AFF3: variants seen among roughly 807,000 people sequenced by gnomAD.
AFF3 encodes the protein AF4/FMR2 family member 3.
In AFF3, 32 loss-of-function variants were observed where a neutral mutation model predicts 129.7. The observed-to-expected ratio is 0.25, with a 90% CI of 0.19 to 0.33. AFF3 has a LOEUF of 0.33. AFF3 is among the 10% of genes least tolerant of loss of function. The pLI, the probability that AFF3 is intolerant of heterozygous loss-of-function variation, is 1.00. For missense variants in AFF3, 1,373 were observed against 1,592.0 expected (o/e 0.86, Z 2.34); for synonymous variants, 644 against 635.4 (o/e 1.01, Z -0.20).
chr2:99,553,350 C>A (rs1283992257), intron 24 of AFF3, among the ~76,000 whole-genome samples: 1 of 152,152 alleles, frequency 6.6e-6, no homozygotes, highest in African/African-American at 2.4e-5. Flanking sequence ...CAATCTCATG[C>A]ACTCTGCCAT....
At chr2:99,702,044 T>C (rs540958290) in intron 11 of AFF3, among the ~76,000 whole-genome samples, 30 of 152,382 alleles carry the variant, frequency 2.0e-4, no homozygotes, top group African/African-American at 6.7e-4. Flanking sequence ...AGGTAGTTTC[T>C]GGTTCTTGGC....
intron 8 of AFF3, among the ~76,000 whole-genome samples, chr2:99,772,904 C>T (rs768304607): frequency 2.0e-5 from 3 of 152,216 alleles, no homozygotes; most frequent in Non-Finnish European, 2.9e-5. Context: ...TAGACTAGAT[C>T]CAAGTTCTCA....
intron 8 of AFF3, among the ~76,000 whole-genome samples, chr2:99,829,690 A>C (rs1438548677): frequency 6.6e-6 from 1 of 152,176 alleles, no homozygotes; most frequent in African/African-American, 2.4e-5. Flanking sequence ...TGGGAGTATA[A>C]ATTATTTCAA....
intron 7 of AFF3, among the ~76,000 whole-genome samples, chr2:99,859,179 A>G: frequency 6.6e-6 from 1 of 152,092 alleles, no homozygotes; most frequent in East Asian, 1.9e-4. Flanking sequence ...CTTGCTGCCC[A>G]CTCAGTCTTT....
In AFF3 at chr2:99,606,915, C is replaced by CAAAA. The variant is rs10680840; in HGVS notation, c.1185-5298_1185-5295dup. Among the ~76,000 whole-genome samples, 462 of 60,764 alleles carry CAAAA rather than the reference C, an allele frequency of 7.6e-3. 2 individuals are homozygous for CAAAA. Among genetic ancestry groups the CAAAA allele is most frequent in the Middle Eastern group, 0.01 (1 of 96 alleles). The allele number at this position is 60,764 out of a possible 152,430, so 39.9% of individuals were successfully genotyped here. ...GGCGACAGAGCAAGACTCCGTCTCACAAAAAAAAAAAAAAAAAAAAAAAAG... is the reference window on the plus strand; with the variant it reads ...GGCGACAGAGCAAGACTCCGTCTCACAAAAAAAAAAAAAAAAAAAAAAAAAAAAG... On this transcript the variant is annotated intron_variant, in intron 13 of 24. Coordinates refer to ENST00000672756, the MANE Select transcript of AFF3 (RefSeq NM_001386135.1).
intron 4 of AFF3, among the ~76,000 whole-genome samples, chr2:100,031,587 T>C (rs1684498581): frequency 6.6e-6 from 1 of 152,180 alleles, no homozygotes; most frequent in Admixed American, 6.5e-5. Flanking sequence ...TGGCTGATTC[T>C]AGGACTGGGG....
chr2:100,056,857 C>T (rs1686829861), intron 4 of AFF3, among the ~76,000 whole-genome samples: 1 of 152,182 alleles, frequency 6.6e-6, no homozygotes, highest in African/African-American at 2.4e-5. Flanking sequence ...TATATACTGT[C>T]TGCCCTGGGG....
intron 13 of AFF3, among the ~76,000 whole-genome samples, chr2:99,606,218 T>C (rs1389186877): frequency 2.6e-5 from 4 of 152,232 alleles, no homozygotes; most frequent in Non-Finnish European, 5.9e-5. Context: ...TAAACCATGA[T>C]TGTGCCACTG....
intron 8 of AFF3, among the ~76,000 whole-genome samples, chr2:99,778,499 T>C (rs1027799069): frequency 7.2e-5 from 11 of 152,174 alleles, no homozygotes; most frequent in Admixed American, 1.3e-4. Context: ...GGGACAATGC[T>C]TGGTAGCCTG....
chr2:99,812,127 C>T (rs1686837989), intron 8 of AFF3, among the ~76,000 whole-genome samples: 1 of 152,076 alleles, frequency 6.6e-6, no homozygotes, highest in Non-Finnish European at 1.5e-5. Context: ...AAAGAGATGC[C>T]CTGATGATTA....
At chr2:99,821,275 G>A (rs1032749489) in intron 8 of AFF3, among the ~76,000 whole-genome samples, 1 of 152,152 alleles carries the variant, frequency 6.6e-6, no homozygotes, top group Non-Finnish European at 1.5e-5. Flanking sequence ...ACCTCTGGAA[G>A]GATCTGCCTG....
chr2:99,778,136 A>G (rs1684089380), intron 8 of AFF3, among the ~76,000 whole-genome samples: 1 of 152,062 alleles, frequency 6.6e-6, no homozygotes, highest in South Asian at 2.1e-4. Context: ...CACTGAAGCC[A>G]GAGTGACCCC....
rs79910390 is a variant in AFF3, at chr2:100,132,564, G to A, written c.-227-3258C>T. ...AAGTTTCTTGAAAAACAAAGGGTGC[G>A]GTATCTTTTTTCCTCTTCATCCTCA... On this transcript the variant is annotated intron_variant, in intron 1 of 24. Coordinates refer to ENST00000672756, the MANE Select transcript of AFF3 (RefSeq NM_001386135.1). Among the ~76,000 whole-genome samples the A allele has an allele frequency of 2.6e-3, 402 of 152,204 alleles. 15 individuals are homozygous for A. In the East Asian group the frequency reaches 0.065, roughly 25 times the overall value.
intron 8 of AFF3, among the ~76,000 whole-genome samples, chr2:99,834,051 A>C (rs188770699): frequency 6.6e-6 from 1 of 152,358 alleles, no homozygotes; most frequent in East Asian, 1.9e-4. Flanking sequence ...GGTTGATAAC[A>C]CTGGCTATAA....
At chr2:99,754,203 T>A (rs1210005051) in intron 8 of AFF3, among the ~76,000 whole-genome samples, 1 of 152,220 alleles carries the variant, frequency 6.6e-6, no homozygotes, top group African/African-American at 2.4e-5. Context: ...ATAAGTGGCT[T>A]CAAATCTTCT....
intron 2 of AFF3, chr2:100,107,061 G>T (rs1490633106): frequency 6.1e-6 from 6 of 985,246 alleles, no homozygotes; most frequent in Non-Finnish European, 7.2e-6. Context: ...GTTTCTTTAG[G>T]AATAGCCATG....
At chr2:100,092,064 T>A (rs1179847659) in intron 4 of AFF3, among the ~76,000 whole-genome samples, 1 of 151,862 alleles carries the variant, frequency 6.6e-6, no homozygotes, top group East Asian at 1.9e-4. Flanking sequence ...ACCTGTATGC[T>A]GATAACGCCC....
Position 100,018,593 on chromosome 2 carries a change from A to G in AFF3, c.54-9661T>C, listed in dbSNP as rs565559377. Among the ~76,000 whole-genome samples the G allele has an allele frequency of 6.6e-5, 10 of 152,244 alleles. 1 individual carries two copies. The South Asian group carries it at 2.1e-3, about 32-fold the overall frequency. ...CAAGCAGCTTTCAGAGTCTTTCTAT[A>G]TAGTATAAACAGCAGAAGTTAATTT... On this transcript the variant is annotated intron_variant, in intron 4 of 24. Transcript: ENST00000672756.
At chr2:100,009,736 G>C (rs1682339246) in intron 4 of AFF3, among the ~76,000 whole-genome samples, 2 of 152,196 alleles carry the variant, frequency 1.3e-5, no homozygotes, top group African/African-American at 4.8e-5. Flanking sequence ...CTAATAAGGA[G>C]AAAACAAAGG....
Sources: gnomAD v4.1 joint callset for allele counts (sites outside exome capture counted in the v4.1 genomes callset) on GRCh38, gnomAD v4.1.1 for gene constraint, MANE v1.5 for transcripts, NCBI Gene and HGNC (gene_info 2026-07-23, HGNC 2026-07-21) for gene names.